PEX5: variants seen among roughly 807,000 people sequenced by gnomAD.
PEX5 encodes PTS1 receptor.
PEX5 carries 52 observed loss-of-function variants against 82.9 expected under a neutral mutation model. The observed-to-expected ratio is 0.63, with a 90% confidence interval of 0.50 to 0.79. The LOEUF (loss-of-function observed/expected upper bound fraction) is 0.79, where lower values mean the gene tolerates loss of function less well. PEX5 is among the 30% of genes least tolerant of loss of function. The pLI is 0.00. For synonymous variants in PEX5, 300 were observed against 318.8 expected (o/e 0.94, Z 0.63); for missense variants, 719 against 815.2 (o/e 0.88, Z 1.44).
downstream of PEX5, among the ~76,000 whole-genome samples, chr12:7,213,571 C>A (rs1011103391): frequency 1.4e-5 from 2 of 147,388 alleles, no homozygotes; most frequent in African/African-American, 5.0e-5. Context: ...ATACAAAAAT[C>A]AATTCAAGAT....
downstream of PEX5, among the ~76,000 whole-genome samples, chr12:7,213,839 C>G (rs1445135257): frequency 1.3e-5 from 2 of 150,576 alleles, no homozygotes; most frequent in African/African-American, 4.9e-5. Context: ...TGACAAAGGG[C>G]TAATATCCAG....
In PEX5 at chr12:7,210,255, C is replaced by A; in HGVS notation, c.*32C>A. The A allele has an allele frequency of 6.3e-7, 1 of 1,595,512 alleles. No homozygotes were observed. The highest frequency in any genetic ancestry group is 8.6e-7 in the Non-Finnish European group (1 of 1,163,988). ...GACGGGCTGCCCTGTGAGTGTCCAC[C>A]TGGAGGGATCCCCGCTTTGGATGTG... On this transcript the variant is annotated 3_prime_UTR_variant, in exon 16 of 16. Coordinates refer to ENST00000675855, the MANE Select transcript of PEX5 (RefSeq NM_001351132.2).
chr12:7,212,644 A>G (rs2136287445), downstream of PEX5: 1 of 152,336 alleles, frequency 6.6e-6, no homozygotes, highest in East Asian at 1.9e-4. Flanking sequence ...TCAATTATTT[A>G]CAGATTGTCT....
At chr12:7,191,740 G>C in intron 5 of PEX5, 40 bp downstream of exon 5, 3 of 1,590,114 alleles carry the variant, frequency 1.9e-6, no homozygotes, top group Non-Finnish European at 1.7e-6. Context: ...GGCTTCTATG[G>C]GACAGAATTC....
intron 5 of PEX5, among the ~76,000 whole-genome samples, chr12:7,197,086 ACATATAATGTAATTATATATGT>A (rs1435234126): frequency 2.0e-5 from 1 of 49,362 alleles, no homozygotes; most frequent in Non-Finnish European, 4.8e-5. Flanking sequence ...TATATATGTC[ACATATAATGTAATTATATATGT>A]CATATAATGT....
At chr12:7,201,966 C>A in intron 7 of PEX5, 125 bp downstream of exon 7, 1 of 785,394 alleles carries the variant, frequency 1.3e-6, no homozygotes, top group Non-Finnish European at 2.2e-6. Context: ...TCGTTCCTGT[C>A]TATAGAACAG....
intron 1 of PEX5, 107 bp downstream of exon 1, chr12:7,189,857 G>C: frequency 7.8e-7 from 1 of 1,289,904 alleles, no homozygotes. Flanking sequence ...CAGCAGGGCC[G>C]GGGAGATGGG....
Position 7,208,032 on chromosome 12 carries a change from C to T in PEX5, c.1133C>T (p.Thr378Ile). The T allele has an allele frequency of 6.2e-7, 1 of 1,613,784 alleles. No individual in the cohort carries two copies. The highest frequency in any genetic ancestry group is 8.5e-7 in the Non-Finnish European group (1 of 1,179,692). The part of the protein sequence containing the change: ...HMEAWQYLGT[T>I]QAENEQELLA... ...TAGGCTTGGCAGTATCTGGGTACCA[C>T]CCAGGCAGAGAATGAACAAGAACTA... is the stretch of plus-strand genomic sequence containing the variant. The change falls in exon 12 of 16, where the codon ACC (threonine) becomes ATC (isoleucine). Residue 378 changes from threonine (T) to isoleucine (I), a missense_variant. Transcript: ENST00000675855.
chr12:7,194,950 A>C (rs1221195608), intron 5 of PEX5, among the ~76,000 whole-genome samples: 2 of 152,244 alleles, frequency 1.3e-5, no homozygotes, highest in Non-Finnish European at 2.9e-5. Flanking sequence ...TTTTCACCGC[A>C]GCCCCTACTG....
intron 6 of PEX5, among the ~76,000 whole-genome samples, chr12:7,201,014 G>A (rs928529824): frequency 1.3e-5 from 2 of 152,190 alleles, no homozygotes; most frequent in African/African-American, 2.4e-5. Flanking sequence ...CACAGTGGTT[G>A]TGTGCCTGTA....
intron 2 of PEX5, 82 bp from the exon 3 acceptor site, chr12:7,190,806 G>A (rs1293133568): frequency 7.2e-7 from 1 of 1,390,702 alleles, no homozygotes; most frequent in Non-Finnish European, 1.0e-6. Flanking sequence ...TGAAGAAGCC[G>A]AGGCTCAGAT....
Position 7,208,557 on chromosome 12 carries a change from G to A in PEX5, c.1282G>A (p.Asp428Asn). ...LQRQACETLR[D>N]WLRYTPAYAH... ...GCGACAGGCCTGTGAAACCCTACGA[G>A]ACTGGCTGCGGTACACACCAGCCTA... Residue 428 changes from aspartate (D) to asparagine (N), a missense_variant, in exon 13 of 16, where the codon GAC (aspartate) becomes AAC (asparagine). By Grantham distance (23) the Asp-to-Asn change is conservative (BLOSUM62 1). Transcript: ENST00000675855. The A allele has an allele frequency of 6.2e-7, 1 of 1,614,094 alleles. No homozygotes were observed. The highest frequency in any genetic ancestry group is 8.5e-7 in the Non-Finnish European group (1 of 1,179,948).
chr12:7,202,080 C>G (rs1283044040), intron 7 of PEX5, 161 bp from the exon 8 acceptor site: 7 of 1,159,676 alleles, frequency 6.0e-6, no homozygotes, highest in Non-Finnish European at 6.3e-6. Flanking sequence ...CCAGAAATCC[C>G]TTTCTTTTTG....
In PEX5 at chr12:7,197,426, CAT is replaced by C. The variant is rs1223068960; in HGVS notation, c.449-1581_449-1580del. On this transcript the variant is annotated intron_variant, in intron 5 of 15. Coordinates refer to ENST00000675855, the MANE Select transcript of PEX5 (RefSeq NM_001351132.2). ...TGTCATATACAATGTAATTATATGTCATATACAATGTAATTATGTTATATATA... is the reference window on the plus strand; with the variant it reads ...TGTCATATACAATGTAATTATATGTCATACAATGTAATTATGTTATATATA... Among the ~76,000 whole-genome samples, 4 of 102,832 alleles carry C rather than the reference CAT, an allele frequency of 3.9e-5. 1 individual carries two copies. The highest frequency in any genetic ancestry group is 1.2e-4 in the African/African-American group (3 of 25,462). The allele number at this position is 102,832 out of a possible 152,430, so 67.5% of individuals were successfully genotyped here.
chr12:7,214,195 C>T, downstream of PEX5, among the ~76,000 whole-genome samples: 1 of 152,158 alleles, frequency 6.6e-6, no homozygotes. Context: ...ACTAGAAATA[C>T]CATTTGACCC....
chr12:7,190,368 G>T lies in PEX5; in HGVS notation c.-10G>T. The T allele has an allele frequency of 6.2e-7, 1 of 1,614,172 alleles. No individual in the cohort carries two copies. On this transcript the variant is annotated 5_prime_UTR_variant, in exon 2 of 16. Coordinates refer to ENST00000675855, the MANE Select transcript of PEX5 (RefSeq NM_001351132.2). ...AACCTCCTGTGTCCATCAGAGAGCTGGCGGTCACCATGGCAATGCGGGAGC... is the reference window on the plus strand; with the variant it reads ...AACCTCCTGTGTCCATCAGAGAGCTTGCGGTCACCATGGCAATGCGGGAGC...
rs1943243303 is a variant in PEX5, at chr12:7,199,073, C to A, written c.511C>A (p.Leu171Met). Residue 171 changes from leucine to methionine, a missense_variant, in exon 6 of 16, where the codon CTG (leucine) becomes ATG (methionine). Leu to Met is a conservative substitution (Grantham distance 15). Transcript: ENST00000675855. Reference sequence around the variant, plus strand: ...ATATTTGGAGCAATCAGAGGAGAAGCTGTGGCTGGGAGAACCTGAGGGAAC... The same window carrying A: ...ATATTTGGAGCAATCAGAGGAGAAGATGTGGCTGGGAGAACCTGAGGGAAC... ...EEYLEQSEEK[L>M]WLGEPEGTAT... is the part of the protein sequence containing the mutation. 1.2e-6 allele frequency: 2 copies of A among 1,609,658 alleles called. No homozygotes were observed. The highest frequency in any genetic ancestry group is 2.2e-5 in the East Asian group (1 of 44,748).
Position 7,191,669 on chromosome 12 carries a change from C to G in PEX5, c.417C>G (p.Asp139Glu). 1.2e-6 allele frequency: 2 copies of G among 1,613,740 alleles called. No homozygotes were observed. The highest frequency in any genetic ancestry group is 1.7e-6 in the Non-Finnish European group (2 of 1,179,632). The change falls in exon 5 of 16, where the codon GAC (aspartate) becomes GAG (glutamate). Residue 139 changes from aspartate to glutamate, a missense_variant. Transcript: ENST00000675855. ...VDVTQDYNET[D>E]WSQEFISEVT... The stretch of plus-strand genomic sequence containing the variant: ...TAACTCAGGATTATAATGAGACTGA[C>G]TGGTCCCAAGAATTCATCTCTGAAG...
intron 5 of PEX5, among the ~76,000 whole-genome samples, chr12:7,193,066 A>G (rs1262635324): frequency 6.6e-6 from 1 of 152,232 alleles, no homozygotes; most frequent in Non-Finnish European, 1.5e-5. Context: ...TAATCACTTT[A>G]TCTTCTTAAG....
Sources: gnomAD v4.1 joint callset for allele counts (sites outside exome capture counted in the v4.1 genomes callset) on GRCh38, gnomAD v4.1.1 for gene constraint, MANE v1.5 for transcripts, NCBI Gene and HGNC (gene_info 2026-07-23, HGNC 2026-07-21) for gene names.